CLDND2: variants seen among roughly 807,000 people sequenced by gnomAD.
The protein encoded by CLDND2 is claudin domain-containing protein 2.
A neutral mutation model predicts 17.7 loss-of-function variants in CLDND2; 18 were observed. The ratio of observed to expected loss-of-function variants is 1.02; its 90% confidence interval spans 0.70 to 1.51. The LOEUF (loss-of-function observed/expected upper bound fraction) is 1.51, where lower values mean the gene tolerates loss of function less well. CLDND2 is among the 40% of genes most tolerant of loss of function. The pLI, the probability that CLDND2 is intolerant of heterozygous loss-of-function variation, is 0.00. For missense variants in CLDND2, 233 were observed against 219.6 expected, an observed-to-expected ratio of 1.06 and a Z score of -0.39; for synonymous variants, 113 against 93.0, an observed-to-expected ratio of 1.22 and a Z score of -1.24.
Position 51,367,480 on chromosome 19 carries a change from G to T in CLDND2, c.407C>A (p.Ala136Asp). The T allele has an allele frequency of 6.2e-7, 1 of 1,603,264 alleles. No homozygotes were observed. The highest frequency in any genetic ancestry group is 1.3e-5 in the African/African-American group (1 of 74,950). ...FSWSYFSGWLALPFSILAGFC... is the reference protein window; with the variant it reads ...FSWSYFSGWLDLPFSILAGFC... ...ACCCGCGAGAATTGAGAAGGGTAAG[G>T]CCAGCCACCCAGAAAAATAGGACCA... is the stretch of plus-strand genomic sequence containing the variant. Residue 136 changes from alanine (A) to aspartate (D), a missense_variant, in exon 3 of 4, where the codon GCC (alanine) becomes GAC (aspartate). Ala to Asp is a moderately radical substitution (Grantham distance 126, BLOSUM62 -2). Coordinates refer to ENST00000291715, the MANE Select transcript of CLDND2 (RefSeq NM_152353.3). This position sits in a 1 kb window ranked among gnomAD's most constrained non-coding sequence, Gnocchi z 7.4.
chr19:51,366,962 A>C, downstream of CLDND2: 1 of 625,748 alleles, frequency 1.6e-6, no homozygotes, highest in Non-Finnish European at 2.9e-6. Flanking sequence ...CAATCCATGG[A>C]GACTTGTGTC....
chr19:51,368,086 C>A, intron 1 of CLDND2, 60 bp from the exon 2 acceptor site: 1 of 1,515,564 alleles, frequency 6.6e-7, no homozygotes. Context: ...CGGGTTCGGC[C>A]GCAACCGGAA....
chr19:51,367,069 A>AC (rs1986416829), downstream of CLDND2: 9 of 1,437,964 alleles, frequency 6.3e-6, no homozygotes, highest in Non-Finnish European at 8.8e-6. The surrounding 1 kb of genome is among the most constrained non-coding windows in gnomAD (Gnocchi z 7.4). Context: ...CGTCCCCACG[A>AC]CCCGCAGAAA....
Position 51,367,907 on chromosome 19 carries a change from T to G in CLDND2, c.289A>C (p.Ser97Arg). The change falls in exon 2 of 4, where the codon AGC (serine) becomes CGC (arginine). Residue 97 changes from serine (S) to arginine (R), a missense_variant. Transcript: ENST00000291715. The surrounding 1 kb of genome is among the most constrained non-coding windows in gnomAD (Gnocchi z 7.4). ...EGESLRGQTT[S>R]AFLFLGGLLL... ...TCACCGCCGAGGAAGAGGAAGGCGC[T>G]CGTGGTCTGGCCCCGCAGCGACTCG... The G allele has an allele frequency of 6.2e-7, 1 of 1,612,172 alleles. No individual in the cohort carries two copies. The highest frequency in any genetic ancestry group is 2.2e-5 in the East Asian group (1 of 44,858).
In CLDND2 at chr19:51,367,743, G is replaced by A. The variant is rs1986471634; in HGVS notation, c.310+143C>T. On this transcript the variant is annotated intron_variant, in intron 2 of 3. Coordinates refer to ENST00000291715, the MANE Select transcript of CLDND2 (RefSeq NM_152353.3). This position sits in a 1 kb window ranked among gnomAD's most constrained non-coding sequence, Gnocchi z 7.4. ...CCTCCCGCTCTGAACTCTGTCTCGA[G>A]CCCCGCCCACCTCTCTCGGCTTCTT... 2.0e-6 allele frequency: 3 copies of A among 1,475,792 alleles called. No individual in the cohort carries two copies. The highest frequency in any genetic ancestry group is 2.7e-6 in the Non-Finnish European group (3 of 1,116,700). 91.4% of individuals were successfully genotyped at this position (1,475,792 alleles called of 1,614,324 possible). A position where few individuals can be genotyped will look rare whatever the true frequency, so the allele number is the denominator to read the frequency against.
Position 51,367,801 on chromosome 19 carries a change from C to T in CLDND2, c.310+85G>A, listed in dbSNP as rs1986476945. 4.6e-6 allele frequency: 7 copies of T among 1,537,312 alleles called. No homozygotes were observed. In the East Asian group the frequency reaches 1.7e-4, roughly 36 times the overall value. ...TGCCCCTCGGATCCTGGCCGAGTAC[C>T]TCAAGCCCCTCCCCTGGCGACCAGG... On this transcript the variant is annotated intron_variant, in intron 2 of 3. Coordinates refer to ENST00000291715, the MANE Select transcript of CLDND2 (RefSeq NM_152353.3). The surrounding 1 kb of genome is among the most constrained non-coding windows in gnomAD (Gnocchi z 7.4).
chr19:51,368,584 G>A lies in CLDND2; in HGVS notation c.-7C>T. The A allele has an allele frequency of 6.2e-7, 1 of 1,611,206 alleles. No individual in the cohort carries two copies. The highest frequency in any genetic ancestry group is 8.5e-7 in the Non-Finnish European group (1 of 1,179,124). On this transcript the variant is annotated 5_prime_UTR_variant, in exon 1 of 4. Coordinates refer to ENST00000291715, the MANE Select transcript of CLDND2 (RefSeq NM_152353.3). ...GGCTCCGCTTCACCCCCATGCCACT[G>A]AGGCTGCAGCCGGGGGCCACAAGGG...
At chr19:51,368,236 G>T in intron 1 of CLDND2, 173 bp downstream of exon 1, 1 of 931,838 alleles carries the variant, frequency 1.1e-6, no homozygotes, top group Non-Finnish European at 1.6e-6. Flanking sequence ...GGAGGGGGTC[G>T]GGGACAAGCC....
At position 51,368,877 on chromosome 19, in the gene CLDND2, C is replaced by G. The variant is rs1232750837; in HGVS notation, c.-300G>C. ...GAACCTGTCTTCCCAGAGACCTCCC[C>G]CGACAGCCGAACGCCCTTTCAGCCC... On this transcript the variant is annotated 5_prime_UTR_variant, in exon 1 of 4. Coordinates refer to ENST00000291715, the MANE Select transcript of CLDND2 (RefSeq NM_152353.3). 3.1e-6 allele frequency: 1 copy of G among 324,430 alleles called. No homozygotes were observed. Among genetic ancestry groups the G allele is most frequent in the Non-Finnish European group, 5.8e-6 (1 of 173,892 alleles). 20.1% of individuals were successfully genotyped at this position (324,430 alleles called of 1,614,324 possible).
rs776437004 is a variant in CLDND2 at position 51,367,598 on chromosome 19, G to C, written c.311-22C>G. ...AGTCCTGGGCCCCGCCCAGCCGCAA[G>C]ATGAGCTAGCTGGGCCTGGTGGGGG... On this transcript the variant is annotated intron_variant, in intron 2 of 3. Transcript: ENST00000291715. The surrounding 1 kb of genome is among the most constrained non-coding windows in gnomAD (Gnocchi z 7.4). 26 of 1,606,660 alleles carry C rather than the reference G, an allele frequency of 1.6e-5. No homozygotes were observed. In the South Asian group the frequency reaches 2.6e-4, roughly 16 times the overall value.
At chr19:51,367,051 C>T, downstream of CLDND2, 5 of 1,219,730 alleles carry the variant, frequency 4.1e-6, no homozygotes, top group Non-Finnish European at 1.2e-6. The surrounding 1 kb of genome is among the most constrained non-coding windows in gnomAD (Gnocchi z 7.4). Context: ...TATGCAACCC[C>T]GTGCCTGCGT....
In CLDND2 at chr19:51,367,661, C is replaced by A. The variant is rs1026210820; in HGVS notation, c.311-85G>T. On this transcript the variant is annotated intron_variant, in intron 2 of 3. Transcript: ENST00000291715. The surrounding 1 kb of genome is among the most constrained non-coding windows in gnomAD (Gnocchi z 7.4). ...CACGCCCCTTCAGACCCGCCCCCTT[C>A]TATCAGACCACGCCTATCGCCTCTC... 5 of 1,527,652 alleles carry A rather than the reference C, an allele frequency of 3.3e-6. No individual in the cohort carries two copies. The highest frequency in any genetic ancestry group is 2.4e-5 in the East Asian group (1 of 41,180). The allele number at this position is 1,527,652 out of a possible 1,614,324, so 94.6% of individuals were successfully genotyped here. A position where few individuals can be genotyped will look rare whatever the true frequency, so the allele number is the denominator to read the frequency against.
rs1391173834 is a variant in CLDND2 at position 51,368,994 on chromosome 19, C to G, written c.-417G>C. ...CCCTAGGGCTCCTTAGACACAGAGC[C>G]CAGAGAGACGGGGGGAGGGAGGCTG... On this transcript the variant is annotated 5_prime_UTR_variant, in exon 1 of 4. Coordinates refer to ENST00000291715, the MANE Select transcript of CLDND2 (RefSeq NM_152353.3). 1 of 157,748 alleles carries G rather than the reference C, an allele frequency of 6.3e-6. No individual in the cohort carries two copies. Among genetic ancestry groups the G allele is most frequent in the African/African-American group, 2.4e-5 (1 of 41,520 alleles). 9.8% of individuals were successfully genotyped at this position (157,748 alleles called of 1,614,324 possible). A position where few individuals can be genotyped will look rare whatever the true frequency, so the allele number is the denominator to read the frequency against.
Position 51,368,801 on chromosome 19 carries a change from A to G in CLDND2, c.-224T>C. ...CTCGTTCCCCTTACTGGAGACCTTG[A>G]GACTTCCCCTGAGAGGCCTCTGAGA... On this transcript the variant is annotated 5_prime_UTR_variant, in exon 1 of 4. Coordinates refer to ENST00000291715, the MANE Select transcript of CLDND2 (RefSeq NM_152353.3). 1.9e-6 allele frequency: 1 copy of G among 516,750 alleles called. No individual in the cohort carries two copies. Among genetic ancestry groups the G allele is most frequent in the Non-Finnish European group, 3.5e-6 (1 of 289,576 alleles). 32.0% of individuals were successfully genotyped at this position (516,750 alleles called of 1,614,324 possible). A position where few individuals can be genotyped will look rare whatever the true frequency, so the allele number is the denominator to read the frequency against.
Position 51,367,917 on chromosome 19 carries a change from G to C in CLDND2, c.279C>G (p.Gly93=). 1 of 1,612,488 alleles carries C rather than the reference G, an allele frequency of 6.2e-7. No individual in the cohort carries two copies. The highest frequency in any genetic ancestry group is 8.5e-7 in the Non-Finnish European group (1 of 1,179,746). Residue 93 remains glycine (G), a synonymous_variant, in exon 2 of 4, where the codon GGC becomes GGG. Coordinates refer to ENST00000291715, the MANE Select transcript of CLDND2 (RefSeq NM_152353.3). The surrounding 1 kb of genome is among the most constrained non-coding windows in gnomAD (Gnocchi z 7.4). ...IRCDEGESLR[G]QTTSAFLFLG... is the part of the protein sequence containing the mutation. ...GGAAGAGGAAGGCGCTCGTGGTCTGGCCCCGCAGCGACTCGCCCTCGTCGC... is the reference window on the plus strand; with the variant it reads ...GGAAGAGGAAGGCGCTCGTGGTCTGCCCCCGCAGCGACTCGCCCTCGTCGC...
chr19:51,367,860 C>A lies in CLDND2; in HGVS notation c.310+26G>T, dbSNP rs1454907145. The A allele has an allele frequency of 6.2e-7, 1 of 1,605,202 alleles. No homozygotes were observed. The highest frequency in any genetic ancestry group is 1.1e-5 in the South Asian group (1 of 90,646). On this transcript the variant is annotated intron_variant, in intron 2 of 3. Transcript: ENST00000291715. The surrounding 1 kb of genome is among the most constrained non-coding windows in gnomAD (Gnocchi z 7.4). ...TCACCCAGGGCCCGCCCCTGCCTGC[C>A]CGCCTGGGGCGGTCTGCAGTCTCAC...
At position 51,367,584 on chromosome 19, in the gene CLDND2, C is replaced by T. The variant is rs573306525; in HGVS notation, c.311-8G>A. 1 of 1,609,404 alleles carries T rather than the reference C, an allele frequency of 6.2e-7. No individual in the cohort carries two copies. Among genetic ancestry groups the T allele is most frequent in the Admixed American group, 1.7e-5 (1 of 59,324 alleles). On this transcript the variant is annotated splice_polypyrimidine_tract_variant and splice_region_variant and intron_variant, in intron 2 of 3. Coordinates refer to ENST00000291715, the MANE Select transcript of CLDND2 (RefSeq NM_152353.3). The surrounding 1 kb of genome is among the most constrained non-coding windows in gnomAD (Gnocchi z 7.4). Reference sequence around the variant, plus strand: ...CGGTCAGCAGCAGCAGTCCTGGGCCCCGCCCAGCCGCAAGATGAGCTAGCT... The same window carrying T: ...CGGTCAGCAGCAGCAGTCCTGGGCCTCGCCCAGCCGCAAGATGAGCTAGCT...
In CLDND2 at chr19:51,368,962, C is replaced by G. The variant is rs1480223490; in HGVS notation, c.-385G>C. The G allele has an allele frequency of 5.8e-6, 1 of 173,792 alleles. No homozygotes were observed. Among genetic ancestry groups the G allele is most frequent in the African/African-American group, 2.4e-5 (1 of 41,904 alleles). 10.8% of individuals were successfully genotyped at this position (173,792 alleles called of 1,614,324 possible). On this transcript the variant is annotated 5_prime_UTR_variant, in exon 1 of 4. Coordinates refer to ENST00000291715, the MANE Select transcript of CLDND2 (RefSeq NM_152353.3). ...CACAGGCCCACCTAAGTGACTCACACCCAGTGCCCTAGGGCTCCTTAGACA... is the reference window on the plus strand; with the variant it reads ...CACAGGCCCACCTAAGTGACTCACAGCCAGTGCCCTAGGGCTCCTTAGACA...
At position 51,367,690 on chromosome 19, in the gene CLDND2, C is replaced by A; in HGVS notation, c.311-114G>T. 1 of 1,493,500 alleles carries A rather than the reference C, an allele frequency of 6.7e-7. No individual in the cohort carries two copies. The highest frequency in any genetic ancestry group is 8.9e-7 in the Non-Finnish European group (1 of 1,121,732). 92.5% of individuals were successfully genotyped at this position (1,493,500 alleles called of 1,614,324 possible). A position where few individuals can be genotyped will look rare whatever the true frequency, so the allele number is the denominator to read the frequency against. ...CAGACCACGCCTATCGCCTCTCAGC[C>A]CGCCCCTGGCCCAGGCCCCTTCCTG... On this transcript the variant is annotated intron_variant, in intron 2 of 3. Transcript: ENST00000291715. This position sits in a 1 kb window ranked among gnomAD's most constrained non-coding sequence, Gnocchi z 7.4.
Sources: allele counts gnomAD v4.1 joint callset, GRCh38; gene constraint gnomAD v4.1.1; non-coding constraint Gnocchi (gnomAD v3.1); transcripts MANE v1.5; gene names NCBI Gene and HGNC (gene_info 2026-07-23, HGNC 2026-07-21).